VPS35L: variants seen among roughly 807,000 people sequenced by gnomAD.
VPS35L encodes the protein VPS35 endosomal protein sorting factor like, also known as VPS35 endosomal protein-sorting factor-like.
A neutral mutation model predicts 133.0 loss-of-function variants in VPS35L; 83 were observed. The observed-to-expected ratio is 0.62, with a 90% CI of 0.52 to 0.75. VPS35L has a LOEUF of 0.75. Ranked by LOEUF, VPS35L falls within the 30% of genes least tolerant of loss-of-function variation. The pLI, the probability that VPS35L is intolerant of heterozygous loss-of-function variation, is 0.00. For synonymous variants in VPS35L, 423 were observed against 449.9 expected (o/e 0.94, Z 0.76); for missense variants, 1,083 against 1,206.8 (o/e 0.90, Z 1.52).
intron 7 of VPS35L, among the ~76,000 whole-genome samples, chr16:19,586,497 G>A (rs947898324): frequency 1.3e-5 from 2 of 151,942 alleles, no homozygotes; most frequent in Non-Finnish European, 2.9e-5. Context: ...CTGCTATCAC[G>A]CCCAGCTAAT....
chr16:19,628,382 C>T (rs1001176791), intron 16 of VPS35L, among the ~76,000 whole-genome samples: 3 of 152,166 alleles, frequency 2.0e-5, no homozygotes, highest in African/African-American at 7.2e-5. Context: ...GATATATCTT[C>T]ATTCATTATT....
At chr16:19,607,575 C>T (rs1329399809) in intron 9 of VPS35L, among the ~76,000 whole-genome samples, 2 of 152,162 alleles carry the variant, frequency 1.3e-5, no homozygotes, top group African/African-American at 4.8e-5. Flanking sequence ...TCTCTTGGAG[C>T]CAGTCGTGAG....
intron 21 of VPS35L, among the ~76,000 whole-genome samples, chr16:19,640,431 C>T (rs751005123): frequency 6.6e-6 from 1 of 152,212 alleles, no homozygotes; most frequent in Non-Finnish European, 1.5e-5. Flanking sequence ...TGGCCAGCAG[C>T]TCCATTTTAC....
At chr16:19,580,019 G>A in intron 6 of VPS35L, among the ~76,000 whole-genome samples, 1 of 150,824 alleles carries the variant, frequency 6.6e-6, no homozygotes, top group East Asian at 2.0e-4. Flanking sequence ...GGCCAACATG[G>A]TGAAACCCCG....
chr16:19,592,242 GTTT>G (rs1164969618), intron 8 of VPS35L, among the ~76,000 whole-genome samples: 1 of 134,076 alleles, frequency 7.5e-6, no homozygotes. Flanking sequence ...GCCCAGCTAA[GTTT>G]TTTTTTTTTT....
rs767341890 is a variant in VPS35L, at chr16:19,569,510, G to A, written c.204G>A (p.Pro68=). ...CCTCCTCCAGCTCCGTGGTGGACCC[G>A]CTGAGCAGCGTCCTCGATGGGACTG... is the stretch of plus-strand genomic sequence containing the variant. The part of the protein sequence containing the change: ...SSSSSSSVVD[P]LSSVLDGTDP... Residue 68 remains proline, a synonymous_variant, in exon 3 of 31, where the codon CCG becomes CCA. Transcript: ENST00000417362. 9 of 1,610,520 alleles carry A rather than the reference G, an allele frequency of 5.6e-6. No individual in the cohort carries two copies. The South Asian group carries it at 6.6e-5, about 12-fold the overall frequency.
At chr16:19,647,079 A>C (rs1973973908) in intron 23 of VPS35L, among the ~76,000 whole-genome samples, 1 of 152,212 alleles carries the variant, frequency 6.6e-6, no homozygotes, top group Non-Finnish European at 1.5e-5. Context: ...TGCGGGTAAA[A>C]TATCAATTTT....
intron 27 of VPS35L, among the ~76,000 whole-genome samples, chr16:19,673,556 T>C (rs1318981359): frequency 1.0e-5 from 1 of 95,282 alleles, no homozygotes; most frequent in Non-Finnish European, 2.8e-5. Context: ...AGTTATTTAT[T>C]CCTTGAACAG....
chr16:19,608,970 G>A lies in VPS35L; in HGVS notation c.882-4G>A. The A allele has an allele frequency of 6.2e-7, 1 of 1,613,496 alleles. No homozygotes were observed. The highest frequency in any genetic ancestry group is 8.5e-7 in the Non-Finnish European group (1 of 1,179,572). ...ACATCTTCCTTAACAGGATGTTTTTGTAGTTACGTGGAGGCATCCATCCTG... is the reference window on the plus strand; with the variant it reads ...ACATCTTCCTTAACAGGATGTTTTTATAGTTACGTGGAGGCATCCATCCTG... On this transcript the variant is annotated splice_region_variant and splice_polypyrimidine_tract_variant and intron_variant, in intron 10 of 30. Coordinates refer to ENST00000417362, the MANE Select transcript of VPS35L (RefSeq NM_020314.7).
At chr16:19,595,233 G>A (rs1190952297) in intron 8 of VPS35L, among the ~76,000 whole-genome samples, 1 of 152,118 alleles carries the variant, frequency 6.6e-6, no homozygotes, top group African/African-American at 2.4e-5. Flanking sequence ...CAGGCTCCGT[G>A]TTGAGACTAG....
intron 26 of VPS35L, among the ~76,000 whole-genome samples, chr16:19,663,355 A>C (rs1974549571): frequency 6.6e-6 from 1 of 152,166 alleles, no homozygotes; most frequent in Non-Finnish European, 1.5e-5. Flanking sequence ...GTAAGTGAAA[A>C]AATTGGTGTC....
At chr16:19,559,969 C>CT (rs1970976386) in intron 1 of VPS35L, among the ~76,000 whole-genome samples, 1 of 152,170 alleles carries the variant, frequency 6.6e-6, no homozygotes, top group South Asian at 2.1e-4. Flanking sequence ...TCCCAAAGTG[C>CT]TGGGATTACA....
intron 12 of VPS35L, among the ~76,000 whole-genome samples, chr16:19,615,189 A>G (rs1420677977): frequency 1.3e-5 from 2 of 152,140 alleles, no homozygotes; most frequent in African/African-American, 4.8e-5. Context: ...CACAATCTTG[A>G]GAGTACATTC....
intron 1 of VPS35L, among the ~76,000 whole-genome samples, chr16:19,561,369 T>C (rs761133385): frequency 1.3e-5 from 2 of 152,020 alleles, no homozygotes; most frequent in Non-Finnish European, 2.9e-5. Context: ...AGACTCTGCC[T>C]CAAAAAATAA....
At position 19,696,043 on chromosome 16, in the gene VPS35L, C is replaced by T. The variant is rs1458357370; in HGVS notation, c.2647-3459C>T. Among the ~76,000 whole-genome samples, 3 of 152,064 alleles carry T rather than the reference C, an allele frequency of 2.0e-5. No individual in the cohort carries two copies. The East Asian group carries it at 5.8e-4, about 29-fold the overall frequency. ...CTGGGACTACAGGCGCGTGCCACCA[C>T]ACCTAGCTAATTTTTTGTATTTCTA... On this transcript the variant is annotated intron_variant, in intron 29 of 30. Coordinates refer to ENST00000417362, the MANE Select transcript of VPS35L (RefSeq NM_020314.7).
At chr16:19,635,676 C>G (rs569798652) in intron 19 of VPS35L, among the ~76,000 whole-genome samples, 1 of 152,118 alleles carries the variant, frequency 6.6e-6, no homozygotes, top group African/African-American at 2.4e-5. Flanking sequence ...TATGATTATT[C>G]TTAGGAAATA....
chr16:19,698,711 G>A (rs1976005033), intron 29 of VPS35L, among the ~76,000 whole-genome samples: 1 of 152,306 alleles, frequency 6.6e-6, no homozygotes, highest in African/African-American at 2.4e-5. Flanking sequence ...TGGCAGCACT[G>A]ATGTTGTGCA....
chr16:19,604,304 T>TATACAAAC (rs1430425042), intron 9 of VPS35L, among the ~76,000 whole-genome samples: 3 of 152,128 alleles, frequency 2.0e-5, no homozygotes, highest in Non-Finnish European at 4.4e-5. Flanking sequence ...CAGTCTTCAG[T>TATACAAAC]GACTATACAA....
chr16:19,687,229 C>A (rs1049494870), intron 28 of VPS35L, among the ~76,000 whole-genome samples: 15 of 152,160 alleles, frequency 9.9e-5, no homozygotes, highest in African/African-American at 3.4e-4. Flanking sequence ...GTTGGACCTT[C>A]CCTCTTCTCC....
Sources: allele counts gnomAD v4.1 joint callset (sites outside exome capture counted in the v4.1 genomes callset), GRCh38; gene constraint gnomAD v4.1.1; transcripts MANE v1.5; gene names NCBI Gene and HGNC (gene_info 2026-07-23, HGNC 2026-07-21).